HPSE2: variants seen among roughly 807,000 people sequenced by gnomAD.
The protein encoded by HPSE2 is inactive heparanase-2.
Under a neutral mutation model 60.5 loss-of-function variants are expected in HPSE2, and 38 were observed. That is an observed-to-expected ratio of 0.63 (90% confidence interval 0.48 to 0.82). The LOEUF is 0.82. Among genes scored for constraint, HPSE2 ranks in the 40% least tolerant of loss-of-function variants. The pLI is 0.00. For missense variants in HPSE2, 713 were observed against 740.4 expected, an observed-to-expected ratio of 0.96 and a Z score of 0.43; for synonymous variants, 295 against 293.2, an observed-to-expected ratio of 1.01 and a Z score of -0.06.
At chr10:98,694,056 C>G (rs1948148714) in intron 5 of HPSE2, 109 bp from the exon 6 acceptor site, 2 of 885,534 alleles carry the variant, frequency 2.3e-6, no homozygotes, top group Non-Finnish European at 1.9e-6. Context: ...AGCAGGTATG[C>G]TTTCTGAGAG....
the HPSE2 span, among the ~76,000 whole-genome samples, chr10:99,301,522 C>T: frequency 6.6e-6 from 1 of 152,216 alleles, no homozygotes; most frequent in African/African-American, 2.4e-5. Context: ...GGCTTCCCAG[C>T]CACATGGAAC....
intron 9 of HPSE2, among the ~76,000 whole-genome samples, chr10:98,612,638 A>G (rs1454348788): frequency 2.6e-5 from 4 of 152,206 alleles, no homozygotes; most frequent in African/African-American, 9.7e-5. Context: ...GGAATAAAGG[A>G]AAAAAGGAAA....
intron 8 of HPSE2, 85 bp from the exon 9 acceptor site, chr10:98,615,103 C>T (rs771498271): frequency 1.1e-6 from 1 of 921,570 alleles, no homozygotes. Flanking sequence ...ACTATATACA[C>T]ATATACACCA....
At chr10:98,502,757 CA>C (rs879329872) in intron 9 of HPSE2, among the ~76,000 whole-genome samples, 3 of 152,088 alleles carry the variant, frequency 2.0e-5, no homozygotes, top group Non-Finnish European at 4.4e-5. Flanking sequence ...GCAGAGTAAA[CA>C]GACAATCTAT....
At chr10:98,672,678 C>G (rs1947537089) in intron 6 of HPSE2, among the ~76,000 whole-genome samples, 1 of 152,166 alleles carries the variant, frequency 6.6e-6, no homozygotes, top group South Asian at 2.1e-4. Flanking sequence ...GCAAAGCACT[C>G]AGCCCTTTCT....
At chr10:98,890,344 G>A (rs1400254817) in intron 3 of HPSE2, among the ~76,000 whole-genome samples, 2 of 152,016 alleles carry the variant, frequency 1.3e-5, no homozygotes, top group East Asian at 3.9e-4. Flanking sequence ...ACTGAAAAGT[G>A]GTAGTAAACC....
chr10:98,629,540 G>C (rs946081600), intron 7 of HPSE2, among the ~76,000 whole-genome samples: 1 of 152,116 alleles, frequency 6.6e-6, no homozygotes, highest in African/African-American at 2.4e-5. Context: ...TGCTACATTA[G>C]AGCAGAGGAT....
chr10:99,085,107 G>A (rs1051858225), intron 3 of HPSE2, among the ~76,000 whole-genome samples: 2 of 152,196 alleles, frequency 1.3e-5, no homozygotes, highest in African/African-American at 4.8e-5. Flanking sequence ...GCAGGAATCT[G>A]CAAGTGCATC....
chr10:98,764,088 A>C (rs565674505), intron 3 of HPSE2, among the ~76,000 whole-genome samples: 1 of 152,268 alleles, frequency 6.6e-6, no homozygotes, highest in Non-Finnish European at 1.5e-5. Flanking sequence ...ACATCTATGT[A>C]TGTTGAAATT....
At chr10:99,295,514 T>C in the HPSE2 span, among the ~76,000 whole-genome samples, 1 of 152,238 alleles carries the variant, frequency 6.6e-6, no homozygotes, top group Non-Finnish European at 1.5e-5. Flanking sequence ...TCCAACTAAG[T>C]AAAACAAGAC....
chr10:98,673,705 T>C (rs1947563877), intron 6 of HPSE2, among the ~76,000 whole-genome samples: 1 of 151,398 alleles, frequency 6.6e-6, no homozygotes, highest in Admixed American at 6.6e-5. Flanking sequence ...TTTCTTGTAT[T>C]TTTTTTTTCT....
chr10:98,727,045 G>A (rs561782143), intron 4 of HPSE2, among the ~76,000 whole-genome samples: 3 of 152,084 alleles, frequency 2.0e-5, no homozygotes, highest in African/African-American at 4.8e-5. Flanking sequence ...TGACTCAAGT[G>A]CAACCCCCAG....
intron 6 of HPSE2, among the ~76,000 whole-genome samples, chr10:98,659,752 G>A (rs928344872): frequency 9.4e-5 from 12 of 127,746 alleles, no homozygotes; most frequent in South Asian, 3.3e-4. Context: ...CACCTCAGAA[G>A]AGTCAGTAAA....
intron 9 of HPSE2, among the ~76,000 whole-genome samples, chr10:98,510,582 T>C (rs1942356327): frequency 6.6e-6 from 1 of 152,190 alleles, no homozygotes; most frequent in African/African-American, 2.4e-5. Context: ...CCATGAGACT[T>C]TTGATGATAC....
chr10:99,024,773 T>C (rs1325071039), intron 3 of HPSE2, among the ~76,000 whole-genome samples: 1 of 152,132 alleles, frequency 6.6e-6, no homozygotes, highest in East Asian at 1.9e-4. Flanking sequence ...TTTAAAGTGC[T>C]GAAGAAAATA....
chr10:99,309,288 C>T, the HPSE2 span, among the ~76,000 whole-genome samples: 1 of 152,112 alleles, frequency 6.6e-6, no homozygotes, highest in Non-Finnish European at 1.5e-5. Context: ...TGCAAATATA[C>T]TAATAACCAG....
intron 5 of HPSE2, among the ~76,000 whole-genome samples, chr10:98,710,907 T>A (rs1026708696): frequency 2.0e-5 from 3 of 152,022 alleles, no homozygotes; most frequent in Admixed American, 6.6e-5. Flanking sequence ...CCAGGCCCTG[T>A]TTACTAAAAC....
At chr10:98,593,444 G>A (rs190357116) in intron 9 of HPSE2, among the ~76,000 whole-genome samples, 9 of 148,788 alleles carry the variant, frequency 6.0e-5, no homozygotes, top group East Asian at 1.9e-4. Context: ...GGGATCCAAC[G>A]AAGGTTTTTT....
At chr10:98,545,590 G>A (rs1323865866) in intron 9 of HPSE2, among the ~76,000 whole-genome samples, 2 of 152,116 alleles carry the variant, frequency 1.3e-5, no homozygotes, top group African/African-American at 4.8e-5. Flanking sequence ...AAAGGCCTTT[G>A]ACAAAATTCA....
Sources: allele counts gnomAD v4.1 joint callset (sites outside exome capture counted in the v4.1 genomes callset), GRCh38; gene constraint gnomAD v4.1.1; transcripts MANE v1.5; gene names NCBI Gene and HGNC (gene_info 2026-07-23, HGNC 2026-07-21).